The following KCNMA1 variants were observed in gnomAD, a reference collection of about 807,000 sequenced individuals.
The protein encoded by KCNMA1 is Calcium-activated potassium channel subunit alpha-1.
Under a neutral mutation model 140.0 loss-of-function variants are expected in KCNMA1, and 29 were observed. The ratio of observed to expected loss-of-function variants is 0.21; its 90% CI spans 0.15 to 0.28. The LOEUF (loss-of-function observed/expected upper bound fraction) is 0.28. KCNMA1 is among the 10% of genes least tolerant of loss of function. The pLI is 1.00. For synonymous variants in KCNMA1, 612 were observed against 611.9 expected (o/e 1.00, Z 0.00); for missense variants, 880 against 1,602.2 (o/e 0.55, Z 7.70).
chr10:77,469,718 C>A lies in KCNMA1; in HGVS notation c.379-65695G>T, dbSNP rs143063900. ...TTCAGTGATGGTGTCTTCTTCCAAACCTGTATGGCATGGTAATTAAAATCA... is the reference window on the plus strand; with the variant it reads ...TTCAGTGATGGTGTCTTCTTCCAAAACTGTATGGCATGGTAATTAAAATCA... On this transcript the variant is annotated intron_variant, in intron 1 of 27. Coordinates refer to ENST00000286628, the MANE Select transcript of KCNMA1 (RefSeq NM_001161352.2). Among the ~76,000 whole-genome samples, 9 of 152,330 alleles carry A rather than the reference C, an allele frequency of 5.9e-5. No homozygotes were observed. In the East Asian group the frequency reaches 1.5e-3, roughly 26 times the overall value.
chr10:77,543,850 C>T (rs538060102), intron 1 of KCNMA1, among the ~76,000 whole-genome samples: 1 of 152,180 alleles, frequency 6.6e-6, no homozygotes, highest in South Asian at 2.1e-4. Flanking sequence ...CAGGTGATTG[C>T]TAATTTTTTC....
intron 20 of KCNMA1, among the ~76,000 whole-genome samples, chr10:76,958,755 T>C (rs918671699): frequency 1.3e-5 from 2 of 152,144 alleles, no homozygotes; most frequent in Admixed American, 6.6e-5. Context: ...CTCAGTACCC[T>C]TGGGAGGAAC....
At chr10:77,199,169 G>C (rs1040144042) in intron 3 of KCNMA1, among the ~76,000 whole-genome samples, 1 of 152,172 alleles carries the variant, frequency 6.6e-6, no homozygotes, top group African/African-American at 2.4e-5. Flanking sequence ...AAAACTCAGA[G>C]GCTTAGTTGA....
At chr10:77,385,667 A>G (rs1030908748) in intron 2 of KCNMA1, among the ~76,000 whole-genome samples, 1 of 152,234 alleles carries the variant, frequency 6.6e-6, no homozygotes, top group Admixed American at 6.5e-5. Flanking sequence ...TATGCACTGC[A>G]TCTTAAAGAT....
At chr10:77,161,738 G>A (rs1443845955) in intron 5 of KCNMA1, among the ~76,000 whole-genome samples, 4 of 152,144 alleles carry the variant, frequency 2.6e-5, no homozygotes, top group Admixed American at 1.3e-4. Context: ...TAAGTGCTCT[G>A]CATACATTTA....
At chr10:77,509,338 C>T (rs553848861) in intron 1 of KCNMA1, among the ~76,000 whole-genome samples, 2 of 152,198 alleles carry the variant, frequency 1.3e-5, no homozygotes, top group South Asian at 2.1e-4. Flanking sequence ...AGGCTAGTCT[C>T]GAACTCGTGA....
intron 2 of KCNMA1, among the ~76,000 whole-genome samples, chr10:77,273,937 C>A (rs1279097031): frequency 6.6e-6 from 1 of 152,264 alleles, no homozygotes; most frequent in African/African-American, 2.4e-5. Context: ...AGCAGGCACC[C>A]TTTTATGTTT....
At chr10:77,421,817 A>G (rs561748903) in intron 1 of KCNMA1, among the ~76,000 whole-genome samples, 18 of 152,338 alleles carry the variant, frequency 1.2e-4, no homozygotes, top group African/African-American at 4.1e-4. Flanking sequence ...TTGTTCACAG[A>G]TGTATCTCTC....
At chr10:77,017,709 G>C (rs1015552764) in intron 17 of KCNMA1, among the ~76,000 whole-genome samples, 5 of 152,164 alleles carry the variant, frequency 3.3e-5, no homozygotes, top group Non-Finnish European at 7.3e-5. Context: ...TCTGTGCTCA[G>C]CGTATCAGGC....
At chr10:77,022,803 A>G (rs2093006662) in intron 16 of KCNMA1, 2 of 232,092 alleles carry the variant, frequency 8.6e-6, no homozygotes, top group Non-Finnish European at 1.8e-5. Flanking sequence ...ACAAGCTACA[A>G]TTCTCATCAG....
At position 77,540,946 on chromosome 10, in the gene KCNMA1, A is replaced by G. The variant is rs2060035958; in HGVS notation, c.378+96319T>C. 2.0e-5 allele frequency among the ~76,000 whole-genome samples: 3 copies of G among 151,972 alleles called. No homozygotes were observed. The South Asian group carries it at 6.2e-4, about 31-fold the overall frequency. On this transcript the variant is annotated intron_variant, in intron 1 of 27. Coordinates refer to ENST00000286628, the MANE Select transcript of KCNMA1 (RefSeq NM_001161352.2). ...CTTGAACCCAGGAGGCAGAGATCGC[A>G]GTGAGCCAAGATCGCACCACTGCAC...
chr10:77,330,339 C>T (rs1042458165), intron 2 of KCNMA1, among the ~76,000 whole-genome samples: 11 of 152,194 alleles, frequency 7.2e-5, no homozygotes, highest in African/African-American at 2.2e-4. Context: ...GCCACTCCTA[C>T]TCACTTCCTC....
chr10:77,100,262 A>G (rs748966102), intron 9 of KCNMA1, among the ~76,000 whole-genome samples: 1 of 152,174 alleles, frequency 6.6e-6, no homozygotes, highest in African/African-American at 2.4e-5. Flanking sequence ...TGTTCTATAC[A>G]CTAGCTGACA....
chr10:77,554,597 C>CAAAAAAAAAAAAAAAAAAAAAAAAAA (rs59754706), intron 1 of KCNMA1, among the ~76,000 whole-genome samples: 9 of 84,084 alleles, frequency 1.1e-4, no homozygotes, highest in East Asian at 3.3e-4. Flanking sequence ...TACTCCATCT[C>CAAAAAAAAAAAAAAAAAAAAAAAAAA]AAAAAAAAAA....
At chr10:77,623,076 C>A (rs547026552) in intron 1 of KCNMA1, among the ~76,000 whole-genome samples, 13 of 152,326 alleles carry the variant, frequency 8.5e-5, no homozygotes, top group African/African-American at 3.1e-4. Context: ...CATTTTAAAG[C>A]CCTGCCTAGA....
At chr10:77,003,332 G>C (rs118055197) in intron 18 of KCNMA1, among the ~76,000 whole-genome samples, 1 of 152,082 alleles carries the variant, frequency 6.6e-6, no homozygotes, top group Non-Finnish European at 1.5e-5. Context: ...AAATAAAAAA[G>C]TTCCACTATA....
At chr10:76,962,203 C>T (rs975413844) in intron 20 of KCNMA1, among the ~76,000 whole-genome samples, 12 of 152,168 alleles carry the variant, frequency 7.9e-5, no homozygotes, top group Non-Finnish European at 1.5e-4. Context: ...CCAGTTCCTT[C>T]GGTGGCACTG....
rs542807385 is a variant in KCNMA1 at position 77,040,003 on chromosome 10, C to T, written c.1750-366G>A. ...ACTGAAGCAATCCTCCTGCCTCAGC[C>T]TCTGGAGTAGCTGGGACTATAGGTG... On this transcript the variant is annotated intron_variant, in intron 14 of 27. Transcript: ENST00000286628. Among the ~76,000 whole-genome samples, 9 of 148,630 alleles carry T rather than the reference C, an allele frequency of 6.1e-5. No individual in the cohort carries two copies. In the South Asian group the frequency reaches 1.9e-3, roughly 32 times the overall value.
chr10:77,058,446 T>C (rs776375137), intron 14 of KCNMA1, among the ~76,000 whole-genome samples: 1 of 152,018 alleles, frequency 6.6e-6, no homozygotes, highest in African/African-American at 2.4e-5. Flanking sequence ...TGCCCAACAA[T>C]AGCAGAATAT....
Sources: allele counts gnomAD v4.1 joint callset (sites outside exome capture counted in the v4.1 genomes callset), GRCh38; gene constraint gnomAD v4.1.1; transcripts MANE v1.5; gene names NCBI Gene and HGNC (gene_info 2026-07-23, HGNC 2026-07-21).